SYF2: variants seen among roughly 807,000 people sequenced by gnomAD.
SYF2 encodes the protein SYF2 pre-mRNA splicing factor, also known as pre-mRNA-splicing factor SYF2.
In SYF2, 21 loss-of-function variants were observed where a neutral mutation model predicts 32.7. That is an observed-to-expected ratio of 0.64 (90% CI 0.45 to 0.92). SYF2 has a LOEUF of 0.92. Among genes scored for constraint, SYF2 ranks in the 40% least tolerant of loss-of-function variants. The pLI is 0.00. For missense variants in SYF2, 278 were observed against 296.5 expected (o/e 0.94, Z 0.46); for synonymous variants, 114 against 103.9 (o/e 1.10, Z -0.59).
chr1:25,228,169 C>T lies in SYF2; in HGVS notation c.325G>A (p.Glu109Lys), dbSNP rs772514960. ...CTCTTCTTTTTCCTCTCCCATCTTTCTGCATCTTCTGCACTGATCTCCAGC... is the reference window on the plus strand; with the variant it reads ...CTCTTCTTTTTCCTCTCCCATCTTTTTGCATCTTCTGCACTGATCTCCAGC... The part of the protein sequence containing the change: ...KLLEISAEDA[E>K]RWERKKKRKN... Residue 109 changes from glutamate to lysine, a missense_variant, in exon 4 of 7, where the codon GAA becomes AAA. Physicochemically the swap from Glu to Lys is moderately conservative, Grantham distance 56 (BLOSUM62 1). Transcript: ENST00000236273. 6 of 1,613,950 alleles carry T rather than the reference C, an allele frequency of 3.7e-6. No homozygotes were observed. In the Admixed American group the frequency reaches 1.0e-4, roughly 27 times the overall value.
chr1:25,231,926 T>A, intron 2 of SYF2, 178 bp downstream of exon 2: 1 of 698,606 alleles, frequency 1.4e-6, no homozygotes, highest in Non-Finnish European at 2.6e-6. Flanking sequence ...TTTTCAAATG[T>A]TCTCAGAATG....
At position 25,227,542 on chromosome 1, in the gene SYF2, TA is replaced by T; in HGVS notation, c.377-11del. On this transcript the variant is annotated splice_polypyrimidine_tract_variant and intron_variant, in intron 4 of 6. Coordinates refer to ENST00000236273, the MANE Select transcript of SYF2 (RefSeq NM_015484.5). ...TGGGCAGCAGCATAATCTAAAAATA[TA>T]AAATGAGAATCAGCGATAATATATT... 6.2e-7 allele frequency: 1 copy of T among 1,609,636 alleles called. No homozygotes were observed.
chr1:25,231,922 A>G (rs1000935509), intron 2 of SYF2, 182 bp downstream of exon 2: 2 of 693,442 alleles, frequency 2.9e-6, no homozygotes, highest in Admixed American at 2.1e-5. Flanking sequence ...TATATTTTCA[A>G]ATGTTCTCAG....
At chr1:25,225,213 T>C (rs867963442) in intron 5 of SYF2, 113 bp from the exon 6 acceptor site, 7 of 713,346 alleles carry the variant, frequency 9.8e-6, no homozygotes, top group South Asian at 1.7e-5. Context: ...TACTGTGAGA[T>C]CCTACTTTAA....
chr1:25,223,124 C>T lies in SYF2; in HGVS notation c.*142G>A. On this transcript the variant is annotated 3_prime_UTR_variant, in exon 7 of 7. Transcript: ENST00000236273. ...ATGAAAGGATATACGTTTAAGAAAC[C>T]ACATTTTTATTTCTAAATGCTGAGT... The T allele has an allele frequency of 1.4e-6, 1 of 723,804 alleles. No homozygotes were observed. The highest frequency in any genetic ancestry group is 2.2e-6 in the Non-Finnish European group (1 of 463,768). The allele number at this position is 723,804 out of a possible 1,614,324, so 44.8% of individuals were successfully genotyped here.
intron 5 of SYF2, 123 bp from the exon 6 acceptor site, chr1:25,225,223 A>T: frequency 1.5e-6 from 1 of 673,252 alleles, no homozygotes; most frequent in East Asian, 2.7e-5. Context: ...TCCTACTTTA[A>T]TTTTTTTTTA....
At chr1:25,228,406 C>A (rs1433960972) in intron 3 of SYF2, among the ~76,000 whole-genome samples, 171 bp from the exon 4 acceptor site, 2 of 152,208 alleles carry the variant, frequency 1.3e-5, no homozygotes, top group Non-Finnish European at 2.9e-5. Context: ...GCGATCTCAG[C>A]TCACTGCAAC....
At chr1:25,229,774 CAAAA>C (rs1396260741) in intron 2 of SYF2, among the ~76,000 whole-genome samples, 1 of 87,534 alleles carries the variant, frequency 1.1e-5, no homozygotes. Context: ...GACTCCATCT[CAAAA>C]AAAAAAAAAA....
intron 3 of SYF2, 52 bp from the exon 4 acceptor site, chr1:25,228,287 T>C: frequency 7.2e-7 from 1 of 1,383,390 alleles, no homozygotes; most frequent in South Asian, 1.2e-5. Context: ...TGCAATAATT[T>C]GATCTACTTT....
chr1:25,232,381 C>G, intron 1 of SYF2, 63 bp downstream of exon 1: 1 of 1,613,786 alleles, frequency 6.2e-7, no homozygotes, highest in East Asian at 2.2e-5. Context: ...CTCCACCTCT[C>G]TCCAGGCCGC....
At chr1:25,231,913 A>G (rs1488716034) in intron 2 of SYF2, 191 bp downstream of exon 2, 6 of 679,892 alleles carry the variant, frequency 8.8e-6, no homozygotes, top group Admixed American at 2.1e-5. Flanking sequence ...GTGAACAGTT[A>G]TATTTTCAAA....
chr1:25,223,968 T>C (rs1571486664), intron 6 of SYF2, among the ~76,000 whole-genome samples: 1 of 152,014 alleles, frequency 6.6e-6, no homozygotes, highest in South Asian at 2.1e-4. Context: ...CCAAGGCAGG[T>C]AGATCACCTG....
chr1:25,229,226 G>T (rs1307347270), intron 2 of SYF2, 103 bp from the exon 3 acceptor site: 2 of 1,369,250 alleles, frequency 1.5e-6, no homozygotes, highest in Non-Finnish European at 2.0e-6. Context: ...TTAATAAGCT[G>T]ACCCCATTTT....
chr1:25,223,573 T>C, intron 6 of SYF2, 142 bp from the exon 7 acceptor site: 1 of 763,176 alleles, frequency 1.3e-6, no homozygotes, highest in South Asian at 2.0e-5. Flanking sequence ...TTTCATCAAG[T>C]TAAAGTTGAA....
Position 25,227,462 on chromosome 1 carries a change from A to C in SYF2, c.447T>G (p.Tyr149Ter), listed in dbSNP as rs776421119. 1 of 1,613,616 alleles carries C rather than the reference A, an allele frequency of 6.2e-7. No individual in the cohort carries two copies. Among genetic ancestry groups the C allele is most frequent in the African/African-American group, 1.3e-5 (1 of 74,894 alleles). Reference sequence around the variant, plus strand: ...CTTACTGTTTTTCTCTCAGTCTCTCATATGTTTCCATGTCAGGTTTGATCT... The same window carrying C: ...CTTACTGTTTTTCTCTCAGTCTCTCCTATGTTTCCATGTCAGGTTTGATCT... ...TKQIKPDMETYERLREKHGEE... is the reference protein window; with the variant it reads ...TKQIKPDMET Residue 149 changes from tyrosine (Y) to a stop codon, truncating the protein, a stop_gained, in exon 5 of 7, where the codon TAT becomes TAG. Coordinates refer to ENST00000236273, the MANE Select transcript of SYF2 (RefSeq NM_015484.5). LOFTEE classifies it high-confidence loss of function.
intron 6 of SYF2, 33 bp downstream of exon 6, chr1:25,224,969 T>C (rs1638476417): frequency 6.8e-7 from 1 of 1,467,550 alleles, no homozygotes; most frequent in African/African-American, 1.4e-5. Flanking sequence ...CATGAAGTAT[T>C]TACAACGTCA....
At chr1:25,231,937 A>C in intron 2 of SYF2, 167 bp downstream of exon 2, 2 of 724,746 alleles carry the variant, frequency 2.8e-6, no homozygotes. Context: ...TCTCAGAATG[A>C]TCCCAATGTG....
intron 6 of SYF2, among the ~76,000 whole-genome samples, chr1:25,224,299 A>G (rs1638464735): frequency 6.6e-6 from 1 of 151,984 alleles, no homozygotes; most frequent in Non-Finnish European, 1.5e-5. Flanking sequence ...TCTGTCGCCC[A>G]AGCTGGAGTG....
intron 4 of SYF2, 52 bp from the exon 5 acceptor site, chr1:25,227,584 T>C (rs774823456): frequency 2.8e-5 from 42 of 1,504,040 alleles, no homozygotes; most frequent in Non-Finnish European, 3.8e-5. Flanking sequence ...GTTTGGACCT[T>C]CCTATTGAGA....
Sources: gnomAD v4.1 joint callset for allele counts (sites outside exome capture counted in the v4.1 genomes callset) on GRCh38, gnomAD v4.1.1 for gene constraint, MANE v1.5 for transcripts, NCBI Gene and HGNC (gene_info 2026-07-23, HGNC 2026-07-21) for gene names.